Variants in CACNA1C observed in about 807,000 individuals in gnomAD.
CACNA1C encodes voltage-dependent L-type calcium channel subunit alpha-1C.
Under a neutral mutation model 229.0 loss-of-function variants are expected in CACNA1C, and 30 were observed. The ratio of observed to expected loss-of-function variants is 0.13; its 90% CI spans 0.10 to 0.18. CACNA1C has a LOEUF of 0.18. Among genes scored for constraint, CACNA1C ranks in the 10% least tolerant of loss-of-function variants. CACNA1C has a pLI of 1.00. For missense variants in CACNA1C, 1,658 were observed against 2,845.0 expected, an observed-to-expected ratio of 0.58 and a Z score of 9.49; for synonymous variants, 1,114 against 1,132.5, an observed-to-expected ratio of 0.98 and a Z score of 0.33.
chr12:1,995,666 T>C (rs923052107), intron 1 of CACNA1C, among the ~76,000 whole-genome samples: 2 of 152,230 alleles, frequency 1.3e-5, no homozygotes, highest in Non-Finnish European at 2.9e-5. Flanking sequence ...CAGACCTCCA[T>C]CATGCCCACA....
At chr12:2,217,557 C>T (rs551532910) in intron 3 of CACNA1C, 2 of 152,190 alleles carry the variant, frequency 1.3e-5, no homozygotes, top group Non-Finnish European at 2.9e-5. Flanking sequence ...TGTATTCTTT[C>T]TCTGCATGTG....
rs149169774 is a variant in CACNA1C at position 2,617,984 on chromosome 12, C to T, written c.3828+5971C>T. Among the ~76,000 whole-genome samples the T allele has an allele frequency of 2.7e-3, 415 of 152,316 alleles. 2 individuals are homozygous for T. The highest frequency in any genetic ancestry group is 0.017 in the Middle Eastern group (5 of 294). On this transcript the variant is annotated intron_variant, in intron 29 of 46. Coordinates refer to ENST00000399655, the MANE Select transcript of CACNA1C (RefSeq NM_000719.7). ...GGCAAATAGCTTTCGTCACATGACC[C>T]GAAGATACTGTGGTCCCTCCTCCAG...
chr12:2,280,179 CTTT>C, intron 3 of CACNA1C, among the ~76,000 whole-genome samples: 1 of 146,806 alleles, frequency 6.8e-6, no homozygotes, highest in African/African-American at 2.6e-5. Flanking sequence ...CCTCTTGATA[CTTT>C]GCTGTGCTTC....
chr12:2,491,007 G>C (rs923914421), intron 6 of CACNA1C, among the ~76,000 whole-genome samples: 1 of 152,292 alleles, frequency 6.6e-6, no homozygotes, highest in South Asian at 2.1e-4. Context: ...ATCAGCTGGT[G>C]AATGGATAAA....
intron 1 of CACNA1C, among the ~76,000 whole-genome samples, chr12:1,976,769 G>GA (rs1343254105): frequency 2.9e-5 from 4 of 137,590 alleles, no homozygotes; most frequent in African/African-American, 1.1e-4. Context: ...TTTGGGAGGT[G>GA]AAAAAGTGCA....
In CACNA1C at chr12:2,488,650, C is replaced by T. The variant is rs187519047; in HGVS notation, c.916+2388C>T. On this transcript the variant is annotated intron_variant, in intron 6 of 46. Coordinates refer to ENST00000399655, the MANE Select transcript of CACNA1C (RefSeq NM_000719.7). This position sits in a 1 kb window ranked among gnomAD's most constrained non-coding sequence, Gnocchi z 4.0. ...CAAGTTCAGAAGAGAAGTAGGCTCC[C>T]ATCACAGAAATGGCCATGAGCCAAG... Among the ~76,000 whole-genome samples, 8 of 152,322 alleles carry T rather than the reference C, an allele frequency of 5.3e-5. No individual in the cohort carries two copies. Among genetic ancestry groups the T allele is most frequent in the Admixed American group, 1.3e-4 (2 of 15,296 alleles).
chr12:2,014,948 C>T (rs2045092965), intron 1 of CACNA1C, among the ~76,000 whole-genome samples: 1 of 152,194 alleles, frequency 6.6e-6, no homozygotes, highest in African/African-American at 2.4e-5. Flanking sequence ...CACGGACTGG[C>T]AGGTCTTGGC....
intron 37 of CACNA1C, among the ~76,000 whole-genome samples, chr12:2,667,311 G>A (rs11062300): frequency 0.058 from 6,572 of 114,114 alleles, 178 homozygotes; most frequent in Middle Eastern, 0.085. Flanking sequence ...CCTCTCCACC[G>A]TGGCCATTCC....
At chr12:2,095,053 G>A (rs1175953576) in intron 1 of CACNA1C, among the ~76,000 whole-genome samples, 1 of 152,146 alleles carries the variant, frequency 6.6e-6, no homozygotes, top group East Asian at 1.9e-4. Flanking sequence ...TAAATAAGTT[G>A]CCCGGGCTCA....
intron 3 of CACNA1C, among the ~76,000 whole-genome samples, chr12:2,199,463 T>C (rs1166393006): frequency 1.3e-5 from 2 of 152,134 alleles, no homozygotes; most frequent in East Asian, 3.8e-4. Flanking sequence ...TAATATATTC[T>C]TTTCTCTAGC....
chr12:2,664,268 T>G (rs1468757493), intron 34 of CACNA1C, among the ~76,000 whole-genome samples: 2 of 152,348 alleles, frequency 1.3e-5, no homozygotes, highest in Non-Finnish European at 2.9e-5. Flanking sequence ...AGTAGTGTTA[T>G]TTCTCCTACA....
chr12:2,147,744 G>A (rs1227101249), intron 3 of CACNA1C, among the ~76,000 whole-genome samples: 1 of 146,676 alleles, frequency 6.8e-6, no homozygotes, highest in Admixed American at 7.0e-5. Context: ...ATTACAGAGT[G>A]AAAGAAGACT....
intron 3 of CACNA1C, among the ~76,000 whole-genome samples, chr12:2,423,025 G>A (rs113012436): frequency 6.8e-4 from 104 of 152,258 alleles, no homozygotes; most frequent in Middle Eastern, 6.8e-3. Flanking sequence ...GTCCTCCATC[G>A]AGGATTAGCT....
chr12:2,557,040 T>C (rs1225984114), intron 11 of CACNA1C, 63 bp downstream of exon 11: 2 of 1,402,048 alleles, frequency 1.4e-6, no homozygotes, highest in Admixed American at 3.4e-5. Context: ...AGCCACCCTG[T>C]TGGGTGGCCC....
intron 3 of CACNA1C, among the ~76,000 whole-genome samples, chr12:2,327,352 C>T (rs2096358041): frequency 6.6e-6 from 1 of 152,238 alleles, no homozygotes; most frequent in South Asian, 2.1e-4. Flanking sequence ...CAGGCATCTA[C>T]AGTCAAACAA....
intron 3 of CACNA1C, among the ~76,000 whole-genome samples, chr12:2,193,761 G>A (rs555469178): frequency 6.6e-6 from 1 of 152,260 alleles, no homozygotes; most frequent in South Asian, 2.1e-4. Flanking sequence ...GGCCATCTAT[G>A]TGGGGAAGAT....
intron 3 of CACNA1C, among the ~76,000 whole-genome samples, chr12:2,358,090 G>A (rs1384441233): frequency 6.6e-6 from 1 of 152,008 alleles, no homozygotes; most frequent in African/African-American, 2.4e-5. Context: ...AAAAGTTACT[G>A]ATGATTCCTT....
chr12:2,664,235 C>T (rs1239436914), intron 34 of CACNA1C, among the ~76,000 whole-genome samples: 2 of 152,168 alleles, frequency 1.3e-5, no homozygotes, highest in Non-Finnish European at 2.9e-5. Context: ...AAACAATTCA[C>T]TAATGAACTG....
chr12:2,613,960 T>C (rs893605401), intron 29 of CACNA1C: 23 of 152,274 alleles, frequency 1.5e-4, no homozygotes, highest in African/African-American at 5.3e-4. Flanking sequence ...TTGACTCAGA[T>C]GTGTTTCTGA....
Sources: allele counts gnomAD v4.1 joint callset (sites outside exome capture counted in the v4.1 genomes callset), GRCh38; gene constraint gnomAD v4.1.1; non-coding constraint Gnocchi (gnomAD v3.1); transcripts MANE v1.5; gene names NCBI Gene and HGNC (gene_info 2026-07-23, HGNC 2026-07-21).